ACOXL: variants seen among roughly 807,000 people sequenced by gnomAD.
ACOXL encodes acyl-coenzyme A oxidase-like protein.
ACOXL carries 70 observed loss-of-function variants against 71.9 expected under a neutral mutation model. The observed-to-expected ratio is 0.97, with a 90% CI of 0.80 to 1.19. ACOXL has a LOEUF of 1.19. Among genes scored for constraint, ACOXL ranks in the 50% most tolerant of loss-of-function variants. The pLI is 0.00. For missense variants in ACOXL, 703 were observed against 736.3 expected, an observed-to-expected ratio of 0.95 and a Z score of 0.52; for synonymous variants, 253 against 281.6, an observed-to-expected ratio of 0.90 and a Z score of 1.02.
intron 1 of ACOXL, among the ~76,000 whole-genome samples, chr2:110,743,977 A>G (rs926336084): frequency 5.3e-5 from 8 of 152,170 alleles, no homozygotes; most frequent in Non-Finnish European, 1.0e-4. Context: ...TCTGCTGGGT[A>G]CAATTGGGGT....
intron 9 of ACOXL, among the ~76,000 whole-genome samples, chr2:110,816,780 A>G (rs978636008): frequency 1.3e-5 from 2 of 152,332 alleles, no homozygotes; most frequent in East Asian, 3.9e-4. Context: ...GGGGAATTCT[A>G]TCCGGGTGAG....
chr2:111,095,353 T>A (rs1286668164), intron 17 of ACOXL, among the ~76,000 whole-genome samples: 1 of 151,472 alleles, frequency 6.6e-6, no homozygotes, highest in Non-Finnish European at 1.5e-5. Context: ...AACTTTCATA[T>A]AAAACATTGA....
chr2:111,034,399 T>G (rs557025903), intron 15 of ACOXL, among the ~76,000 whole-genome samples: 1 of 152,366 alleles, frequency 6.6e-6, no homozygotes, highest in African/African-American at 2.4e-5. Context: ...AGGTTAAGTC[T>G]GAGTGTATGA....
chr2:110,948,834 C>G (rs1023176241), intron 12 of ACOXL, among the ~76,000 whole-genome samples: 7 of 151,624 alleles, frequency 4.6e-5, no homozygotes, highest in Admixed American at 3.9e-4. Flanking sequence ...AGGCAAGCAG[C>G]AGACTGGTGC....
chr2:110,743,456 T>C (rs1677787455), intron 1 of ACOXL, among the ~76,000 whole-genome samples: 1 of 152,214 alleles, frequency 6.6e-6, no homozygotes, highest in Admixed American at 6.5e-5. Flanking sequence ...ATAGTGACTG[T>C]TCTGATTTAT....
At chr2:110,877,714 C>T (rs553244678) in intron 10 of ACOXL, among the ~76,000 whole-genome samples, 16 of 152,284 alleles carry the variant, frequency 1.1e-4, no homozygotes, top group African/African-American at 3.1e-4. Context: ...TGTGCATTAC[C>T]GGAAACCCTG....
chr2:110,915,350 A>ATATG (rs1491355100), intron 11 of ACOXL, among the ~76,000 whole-genome samples: 3 of 113,630 alleles, frequency 2.6e-5, no homozygotes, highest in African/African-American at 6.3e-5. Context: ...ATATATATAT[A>ATATG]TGTGTGTGTG....
chr2:110,968,011 A>C, intron 12 of ACOXL: 1 of 992,896 alleles, frequency 1.0e-6, no homozygotes. Flanking sequence ...CAACAGAGAT[A>C]TCATTAGTCA....
chr2:110,762,128 T>C (rs1483033615), intron 1 of ACOXL, among the ~76,000 whole-genome samples: 1 of 152,196 alleles, frequency 6.6e-6, no homozygotes, highest in African/African-American at 2.4e-5. Context: ...TTTTCTGACA[T>C]CTACTCTAGC....
At chr2:110,939,581 TA>T (rs1328747553) in intron 12 of ACOXL, among the ~76,000 whole-genome samples, 1 of 152,240 alleles carries the variant, frequency 6.6e-6, no homozygotes, top group East Asian at 1.9e-4. Context: ...GTTCCATTAT[TA>T]TAAACAACAC....
intron 2 of ACOXL, among the ~76,000 whole-genome samples, chr2:110,770,317 A>G (rs541707178): frequency 1.9e-4 from 29 of 152,314 alleles, no homozygotes; most frequent in African/African-American, 7.0e-4. Flanking sequence ...CATGCTTGAA[A>G]GTAGATCCCT....
At chr2:111,101,287 A>T (rs1271164502) in intron 17 of ACOXL, 6 of 152,258 alleles carry the variant, frequency 3.9e-5, no homozygotes, top group Non-Finnish European at 1.5e-5. Context: ...AGCTGGAAAG[A>T]TGGTGCTGGG....
chr2:110,738,920 T>C (rs1056119637), intron 1 of ACOXL, among the ~76,000 whole-genome samples: 1 of 152,224 alleles, frequency 6.6e-6, no homozygotes, highest in Non-Finnish European at 1.5e-5. Flanking sequence ...TTTTTAAATA[T>C]CTGCTGTCAT....
intron 9 of ACOXL, among the ~76,000 whole-genome samples, chr2:110,821,422 G>A (rs531447326): frequency 1.1e-4 from 17 of 152,216 alleles, no homozygotes; most frequent in African/African-American, 2.4e-4. Context: ...TATATGCAGC[G>A]GGGCCCAGAG....
chr2:110,987,323 T>C, intron 13 of ACOXL, 106 bp downstream of exon 13: 1 of 1,000,440 alleles, frequency 1.0e-6, no homozygotes, highest in South Asian at 1.5e-5. Flanking sequence ...TTTTAGTGTT[T>C]GCTGTATGCA....
chr2:110,904,798 A>C (rs1315821942), intron 10 of ACOXL, among the ~76,000 whole-genome samples: 1 of 152,178 alleles, frequency 6.6e-6, no homozygotes, highest in Non-Finnish European at 1.5e-5. Context: ...AAGACTGGCT[A>C]GTATGGATAA....
chr2:111,031,077 A>G (rs2065242628), intron 14 of ACOXL, among the ~76,000 whole-genome samples: 1 of 152,250 alleles, frequency 6.6e-6, no homozygotes, highest in Non-Finnish European at 1.5e-5. Flanking sequence ...TATTTGTCAC[A>G]TGCATAAATG....
intron 9 of ACOXL, among the ~76,000 whole-genome samples, chr2:110,838,677 G>A (rs867523280): frequency 2.0e-5 from 3 of 152,180 alleles, no homozygotes; most frequent in Non-Finnish European, 4.4e-5. Flanking sequence ...GGGGTTTCAA[G>A]GGAAGACCCA....
At chr2:111,039,274 A>AC (rs1382994850) in intron 15 of ACOXL, among the ~76,000 whole-genome samples, 1 of 152,206 alleles carries the variant, frequency 6.6e-6, no homozygotes, top group Non-Finnish European at 1.5e-5. Context: ...CAGGAGGAAA[A>AC]ATAGTGCTTT....
Sources: allele counts gnomAD v4.1 joint callset (sites outside exome capture counted in the v4.1 genomes callset), GRCh38; gene constraint gnomAD v4.1.1; transcripts MANE v1.5; gene names NCBI Gene and HGNC (gene_info 2026-07-23, HGNC 2026-07-21).